The following LRRC75A variants were observed in gnomAD, a reference collection of about 807,000 sequenced individuals.
LRRC75A encodes leucine rich repeat containing 75A.
In LRRC75A, 12 loss-of-function variants were observed where a neutral mutation model predicts 26.0. The observed-to-expected ratio is 0.46, with a 90% confidence interval of 0.30 to 0.75. LRRC75A has a LOEUF of 0.75. Among genes scored for constraint, LRRC75A ranks in the 30% least tolerant of loss-of-function variants. The pLI, the probability that LRRC75A is intolerant of heterozygous loss-of-function variation, is 0.08. For synonymous variants in LRRC75A, 223 were observed against 219.3 expected, an observed-to-expected ratio of 1.02 and a Z score of -0.15; for missense variants, 410 against 486.6, an observed-to-expected ratio of 0.84 and a Z score of 1.48.
At chr17:16,480,556 G>C (rs984815318) in intron 1 of LRRC75A, among the ~76,000 whole-genome samples, 1 of 151,258 alleles carries the variant, frequency 6.6e-6, no homozygotes, top group Non-Finnish European at 1.5e-5. Flanking sequence ...TTGAACCCAG[G>C]AGGTGGAGGT....
intron 1 of LRRC75A, among the ~76,000 whole-genome samples, chr17:16,484,197 A>G (rs1220483924): frequency 1.3e-5 from 2 of 152,192 alleles, no homozygotes; most frequent in East Asian, 1.9e-4. Context: ...TTAGCCAGGC[A>G]TGGTGGTGTG....
chr17:16,477,095 G>A (rs560259603), intron 1 of LRRC75A, among the ~76,000 whole-genome samples: 12 of 152,170 alleles, frequency 7.9e-5, no homozygotes, highest in Non-Finnish European at 1.8e-4. Context: ...ATGTTGGGCA[G>A]GCTGGCCTCA....
In LRRC75A at chr17:16,491,592, C is replaced by T. The variant is rs1310701992; in HGVS notation, c.246+153G>A. ...CACATTCAGCGGAAGCGCCGAGGCA[C>T]CTGCTGCCAGACAGGGCTCCATCCC... is the stretch of plus-strand genomic sequence containing the variant. On this transcript the variant is annotated intron_variant, in intron 1 of 3. Coordinates refer to ENST00000470794, the MANE Select transcript of LRRC75A (RefSeq NM_001113567.3). This position sits in a 1 kb window ranked among gnomAD's most constrained non-coding sequence, Gnocchi z 5.9. Among the ~76,000 whole-genome samples, 1 of 152,192 alleles carries T rather than the reference C, an allele frequency of 6.6e-6. No individual in the cohort carries two copies. Among genetic ancestry groups the T allele is most frequent in the Non-Finnish European group, 1.5e-5 (1 of 68,026 alleles).
intron 1 of LRRC75A, among the ~76,000 whole-genome samples, chr17:16,487,340 A>C (rs1174673860): frequency 6.6e-6 from 1 of 152,180 alleles, no homozygotes; most frequent in Non-Finnish European, 1.5e-5. Context: ...TGACCTTCTG[A>C]GGTCATTATG....
At chr17:16,461,395 G>GA (rs1280136747) in intron 2 of LRRC75A, 3 of 152,362 alleles carry the variant, frequency 2.0e-5, no homozygotes, top group East Asian at 1.9e-4. Context: ...GGATGAGACA[G>GA]AAAAAAACCA....
At position 16,483,461 on chromosome 17, in the gene LRRC75A, C is replaced by T. The variant is rs1194862421; in HGVS notation, c.246+8284G>A. On this transcript the variant is annotated intron_variant, in intron 1 of 3. Coordinates refer to ENST00000470794, the MANE Select transcript of LRRC75A (RefSeq NM_001113567.3). The stretch of plus-strand genomic sequence containing the variant: ...CGCTGCATCCCAGCTCTTGCACCAG[C>T]TGAGGCCAAGGTGGGTGACCTTAGG... 2.0e-5 allele frequency among the ~76,000 whole-genome samples: 3 copies of T among 152,196 alleles called. No individual in the cohort carries two copies. In the East Asian group the frequency reaches 5.8e-4, roughly 29 times the overall value.
chr17:16,446,634 G>T lies in LRRC75A; in HGVS notation c.491+1211C>A, dbSNP rs116521883. ...ATTCAGGTGCCATGAGATTCCACCC[G>T]AGGGGAATGAGACCTCATGACATGG... On this transcript the variant is annotated intron_variant, in intron 3 of 3. Transcript: ENST00000470794. Among the ~76,000 whole-genome samples, 37 of 152,154 alleles carry T rather than the reference G, an allele frequency of 2.4e-4. No individual in the cohort carries two copies. The South Asian group carries it at 7.7e-3, about 32-fold the overall frequency.
intron 2 of LRRC75A, among the ~76,000 whole-genome samples, chr17:16,460,274 GATA>G (rs781456877): frequency 3.3e-5 from 5 of 152,136 alleles, no homozygotes; most frequent in Non-Finnish European, 7.4e-5. Flanking sequence ...CCCAGTCTAC[GATA>G]ATTTGTTACA....
chr17:16,471,454 C>A (rs1203034636), intron 1 of LRRC75A, among the ~76,000 whole-genome samples: 3 of 152,168 alleles, frequency 2.0e-5, no homozygotes, highest in African/African-American at 7.2e-5. Context: ...CAGGGGCACA[C>A]CAGGCAAAAG....
At chr17:16,454,791 TC>T (rs1298099895) in intron 2 of LRRC75A, among the ~76,000 whole-genome samples, 1 of 152,024 alleles carries the variant, frequency 6.6e-6, no homozygotes. Flanking sequence ...GGTCTTCATT[TC>T]TTTCTTTTTT....
At position 16,443,757 on chromosome 17, in the gene LRRC75A, G is replaced by A. The variant is rs772227228; in HGVS notation, c.866C>T (p.Ser289Phe). 2 of 1,613,846 alleles carry A rather than the reference G, an allele frequency of 1.2e-6. No homozygotes were observed. The highest frequency in any genetic ancestry group is 2.2e-5 in the East Asian group (1 of 44,872). ...GGTGGGTAGGTGGCCCTGCTTTGGG[G>A]AGCGCTTGCGCAGGCTGAGCAGGAA... is the stretch of plus-strand genomic sequence containing the variant. ...QPFLLSLRKR[S>F]PKQGHLPTIL... Residue 289 changes from serine to phenylalanine, a missense_variant, in exon 4 of 4, where the codon TCC (serine) becomes TTC (phenylalanine). By Grantham distance (155) the Ser-to-Phe change is radical. Transcript: ENST00000470794.
chr17:16,441,748 GATT>G lies in LRRC75A; in HGVS notation c.*1837_*1839del, dbSNP rs1306915649. 1 of 237,584 alleles carries G rather than the reference GATT, an allele frequency of 4.2e-6. No homozygotes were observed. The highest frequency in any genetic ancestry group is 8.6e-6 in the Non-Finnish European group (1 of 116,792). 14.7% of individuals were successfully genotyped at this position (237,584 alleles called of 1,614,324 possible). A position where few individuals can be genotyped will look rare whatever the true frequency, so the allele number is the denominator to read the frequency against. Reference sequence around the variant, plus strand: ...CTAAAATTTTTTTTTTGTTGAGACGGATTCTCTATGTTGCCCAGGCTGGTCTCA... The same window carrying G: ...CTAAAATTTTTTTTTTGTTGAGACGGCTCTATGTTGCCCAGGCTGGTCTCA... On this transcript the variant is annotated 3_prime_UTR_variant, in exon 4 of 4. Coordinates refer to ENST00000470794, the MANE Select transcript of LRRC75A (RefSeq NM_001113567.3).
At chr17:16,461,815 G>C (rs186977501) in intron 2 of LRRC75A, among the ~76,000 whole-genome samples, 325 of 152,308 alleles carry the variant, frequency 2.1e-3, no homozygotes, top group Non-Finnish European at 4.0e-3. Flanking sequence ...TGGGTAGAGA[G>C]AGGGCTGGAT....
chr17:16,481,992 C>A (rs1403898698), intron 1 of LRRC75A, among the ~76,000 whole-genome samples: 1 of 152,122 alleles, frequency 6.6e-6, no homozygotes, highest in Non-Finnish European at 1.5e-5. Context: ...CTGCCAGGTG[C>A]GCGGTGTCTA....
intron 2 of LRRC75A, among the ~76,000 whole-genome samples, chr17:16,451,980 C>A (rs966059766): frequency 7.9e-5 from 12 of 151,196 alleles, no homozygotes; most frequent in Non-Finnish European, 1.3e-4. Flanking sequence ...ATCTCCTGAC[C>A]TTGTGATCCG....
intron 1 of LRRC75A, among the ~76,000 whole-genome samples, chr17:16,486,184 G>GA (rs2093846787): frequency 6.6e-6 from 1 of 152,036 alleles, no homozygotes; most frequent in African/African-American, 2.4e-5. Flanking sequence ...ACACTGGGGG[G>GA]AGGGGAGGGT....
rs184694667 is a variant in LRRC75A, at chr17:16,455,711, G to A, written c.375+6547C>T. On this transcript the variant is annotated intron_variant, in intron 2 of 3. Transcript: ENST00000470794. ...TGAGACAGGTATTATTAATAACCCC[G>A]CTTTACAAATGAGGGAACTGAGGCA... is the stretch of plus-strand genomic sequence containing the variant. Among the ~76,000 whole-genome samples, 25 of 152,198 alleles carry A rather than the reference G, an allele frequency of 1.6e-4. No homozygotes were observed. The East Asian group carries it at 2.1e-3, about 13-fold the overall frequency.
chr17:16,456,280 G>T (rs1201434120), intron 2 of LRRC75A, among the ~76,000 whole-genome samples: 1 of 144,678 alleles, frequency 6.9e-6, no homozygotes, highest in Non-Finnish European at 1.5e-5. Context: ...GGAGGAGGAA[G>T]AGGAGGAGGA....
intron 1 of LRRC75A, among the ~76,000 whole-genome samples, chr17:16,483,987 A>G (rs999251742): frequency 2.0e-5 from 3 of 152,140 alleles, no homozygotes; most frequent in African/African-American, 7.2e-5. Flanking sequence ...TATTGCTTTT[A>G]TAATATTTTA....
Sources: allele counts gnomAD v4.1 joint callset (sites outside exome capture counted in the v4.1 genomes callset), GRCh38; gene constraint gnomAD v4.1.1; non-coding constraint Gnocchi (gnomAD v3.1); transcripts MANE v1.5; gene names NCBI Gene and HGNC (gene_info 2026-07-23, HGNC 2026-07-21).